Variants in CSMD3 observed in about 807,000 individuals in gnomAD.
CSMD3 encodes CUB and Sushi multiple domains 3, also known as CUB and sushi domain-containing protein 3.
A neutral mutation model predicts 435.2 loss-of-function variants in CSMD3; 177 were observed. The observed-to-expected ratio is 0.41, with a 90% CI of 0.36 to 0.46. The LOEUF is 0.46. CSMD3 is among the 20% of genes least tolerant of loss of function. CSMD3 has a pLI of 0.34. For missense variants in CSMD3, 4,265 were observed against 4,504.6 expected (o/e 0.95, Z 1.52); for synonymous variants, 1,656 against 1,520.5 (o/e 1.09, Z -2.07).
chr8:112,990,862 A>C (rs548582970), intron 6 of CSMD3, among the ~76,000 whole-genome samples: 1 of 152,054 alleles, frequency 6.6e-6, no homozygotes, highest in East Asian at 1.9e-4. Context: ...TTACCACTAC[A>C]TTTCTCTCTT....
At chr8:112,985,355 T>C (rs1272653107) in intron 6 of CSMD3, among the ~76,000 whole-genome samples, 1 of 151,656 alleles carries the variant, frequency 6.6e-6, no homozygotes, top group Non-Finnish European at 1.5e-5. Flanking sequence ...ATGGCAGGAA[T>C]GAAAAAACGA....
chr8:112,809,067 AT>A (rs1394489007), intron 12 of CSMD3, among the ~76,000 whole-genome samples: 1 of 152,116 alleles, frequency 6.6e-6, no homozygotes, highest in Non-Finnish European at 1.5e-5. Flanking sequence ...CAAGCGTGAT[AT>A]TTTTCCCCTT....
chr8:112,842,171 A>G (rs538191902), intron 11 of CSMD3, among the ~76,000 whole-genome samples: 1 of 151,858 alleles, frequency 6.6e-6, no homozygotes, highest in East Asian at 1.9e-4. Context: ...ATGTTCCAGA[A>G]GGTTGAGCAT....
intron 31 of CSMD3, among the ~76,000 whole-genome samples, chr8:112,474,478 T>C (rs1818846503): frequency 6.6e-6 from 1 of 152,140 alleles, no homozygotes; most frequent in African/African-American, 2.4e-5. Flanking sequence ...AAGGAATCAT[T>C]ACACAAGGAA....
At chr8:113,155,502 G>T (rs1476274109) in intron 4 of CSMD3, among the ~76,000 whole-genome samples, 2 of 152,034 alleles carry the variant, frequency 1.3e-5, no homozygotes, top group Non-Finnish European at 2.9e-5. Context: ...TTAAGGGTGG[G>T]AAGTGCAAAA....
At chr8:112,526,063 A>T (rs1824924494) in intron 27 of CSMD3, among the ~76,000 whole-genome samples, 1 of 151,044 alleles carries the variant, frequency 6.6e-6, no homozygotes, top group East Asian at 1.9e-4. Context: ...TATTGTTTTC[A>T]ATAATTGCTT....
chr8:113,170,441 T>A (rs1304315028), intron 4 of CSMD3, among the ~76,000 whole-genome samples: 1 of 152,162 alleles, frequency 6.6e-6, no homozygotes, highest in East Asian at 1.9e-4. Flanking sequence ...ATCTGTACTT[T>A]CTACATGAAT....
chr8:112,839,594 G>A (rs987953751), intron 11 of CSMD3, among the ~76,000 whole-genome samples: 6 of 151,620 alleles, frequency 4.0e-5, no homozygotes, highest in Non-Finnish European at 5.9e-5. Flanking sequence ...AAGTTAGGTC[G>A]TATATATCCA....
At chr8:112,344,960 TAAGAA>T (rs2131015494) in intron 41 of CSMD3, among the ~76,000 whole-genome samples, 1 of 152,220 alleles carries the variant, frequency 6.6e-6, no homozygotes, top group Non-Finnish European at 1.5e-5. Flanking sequence ...ATTACAGCAA[TAAGAA>T]AAGAGTTACA....
chr8:113,220,866 A>C (rs1231050817), intron 3 of CSMD3, among the ~76,000 whole-genome samples: 1 of 151,414 alleles, frequency 6.6e-6, no homozygotes, highest in African/African-American at 2.4e-5. Flanking sequence ...TCTGATGCGG[A>C]ACACTTATAA....
At chr8:113,135,966 G>C (rs1425884876) in intron 4 of CSMD3, among the ~76,000 whole-genome samples, 2 of 151,824 alleles carry the variant, frequency 1.3e-5, no homozygotes, top group Non-Finnish European at 2.9e-5. Flanking sequence ...TCATCTAACA[G>C]TATTTTTAGT....
chr8:113,056,591 A>C (rs1331879101), intron 5 of CSMD3, among the ~76,000 whole-genome samples: 1 of 152,202 alleles, frequency 6.6e-6, no homozygotes, highest in Non-Finnish European at 1.5e-5. Flanking sequence ...CAATTGGTTG[A>C]ACATTCAAGA....
At position 113,004,203 on chromosome 8, in the gene CSMD3, G is replaced by GA. The variant is rs1209084417; in HGVS notation, c.1030+14863dup. Among the ~76,000 whole-genome samples, 17 of 151,286 alleles carry GA rather than the reference G, an allele frequency of 1.1e-4. No individual in the cohort carries two copies. In the South Asian group the frequency reaches 1.7e-3, roughly 15 times the overall value. On this transcript the variant is annotated intron_variant, in intron 6 of 70. Coordinates refer to ENST00000297405, the MANE Select transcript of CSMD3 (RefSeq NM_198123.2). ...ATTAAGGACTACAATCCTCTTGTAG[G>GA]AAAAAAAACAAATTTGTCCCATTTA...
intron 13 of CSMD3, among the ~76,000 whole-genome samples, chr8:112,741,708 A>T (rs2132056763): frequency 6.6e-6 from 1 of 151,996 alleles, no homozygotes; most frequent in Non-Finnish European, 1.5e-5. Context: ...ATAATAATTT[A>T]AAAGCCCCCC....
intron 11 of CSMD3, among the ~76,000 whole-genome samples, chr8:112,846,319 C>A: frequency 6.8e-6 from 1 of 147,052 alleles, no homozygotes; most frequent in South Asian, 2.1e-4. Flanking sequence ...TCCTTCCTTC[C>A]TTTCCTTTCT....
chr8:113,308,405 A>T (rs990618429), intron 2 of CSMD3, among the ~76,000 whole-genome samples: 24 of 151,176 alleles, frequency 1.6e-4, no homozygotes, highest in Admixed American at 9.9e-4. Context: ...AGTAGCTGGG[A>T]CTACAGGCGC....
chr8:113,340,568 A>G (rs1045775147), intron 1 of CSMD3, among the ~76,000 whole-genome samples: 3 of 152,086 alleles, frequency 2.0e-5, no homozygotes, highest in African/African-American at 7.2e-5. Context: ...TATCTGTTCT[A>G]TCATTTCTGA....
intron 13 of CSMD3, among the ~76,000 whole-genome samples, chr8:112,726,983 T>C (rs1316114749): frequency 1.3e-5 from 2 of 151,782 alleles, no homozygotes; most frequent in Non-Finnish European, 2.9e-5. Context: ...AAGCAAAGAA[T>C]TCTAAAAAAT....
chr8:112,489,932 A>T (rs1372613252), intron 31 of CSMD3, among the ~76,000 whole-genome samples: 1 of 152,170 alleles, frequency 6.6e-6, no homozygotes, highest in East Asian at 1.9e-4. Context: ...TTAAATACTC[A>T]ACACCTGTTT....
Sources: gnomAD v4.1 joint callset for allele counts (sites outside exome capture counted in the v4.1 genomes callset) on GRCh38, gnomAD v4.1.1 for gene constraint, MANE v1.5 for transcripts, NCBI Gene and HGNC (gene_info 2026-07-23, HGNC 2026-07-21) for gene names.